TECRL: variants seen among roughly 807,000 people sequenced by gnomAD.
TECRL encodes the protein trans-2,3-enoyl-CoA reductase like, also known as trans-2,3-enoyl-CoA reductase-like.
A neutral mutation model predicts 52.8 loss-of-function variants in TECRL; 63 were observed. That is an observed-to-expected ratio of 1.19 (90% CI 0.97 to 1.47). The LOEUF is 1.47. TECRL is among the 40% of genes most tolerant of loss of function. TECRL has a pLI of 0.00. For synonymous variants in TECRL, 164 were observed against 141.9 expected (o/e 1.16, Z -1.10); for missense variants, 482 against 429.6 (o/e 1.12, Z -1.08).
At chr4:64,388,384 G>GT (rs1723323070) in intron 1 of TECRL, among the ~76,000 whole-genome samples, 2 of 151,674 alleles carry the variant, frequency 1.3e-5, no homozygotes, top group African/African-American at 4.8e-5. Context: ...TGATACATTT[G>GT]TTTTTTCTTT....
Position 64,313,300 on chromosome 4 carries a change from CT to C in TECRL, c.551+1347del, listed in dbSNP as rs200106453. Among the ~76,000 whole-genome samples the C allele has an allele frequency of 5.8e-3, 828 of 142,994 alleles. 1 individual carries two copies. The highest frequency in any genetic ancestry group is 8.7e-3 in the African/African-American group (339 of 39,100). 93.8% of individuals were successfully genotyped at this position (142,994 alleles called of 152,430 possible). ...TTTAATGCATAAAATTTGTTCAGGT[CT>C]TTTTTTTTTTCAACAAATTTCCCTC... On this transcript the variant is annotated intron_variant, in intron 5 of 11. Transcript: ENST00000381210.
Position 64,278,429 on chromosome 4 carries a change from CTT to C in TECRL, c.*1641_*1642del, listed in dbSNP as rs1722655568. ...GATTCAAGTAATTTAAATGTCAAAA[CTT>C]TAAAAAATATTTACTTTAAAAATCA... On this transcript the variant is annotated 3_prime_UTR_variant, in exon 12 of 12. Transcript: ENST00000381210. The C allele has an allele frequency of 4.1e-6, 1 of 245,932 alleles. No homozygotes were observed. Among genetic ancestry groups the C allele is most frequent in the Non-Finnish European group, 6.5e-6 (1 of 154,292 alleles). 15.2% of individuals were successfully genotyped at this position (245,932 alleles called of 1,614,324 possible).
At chr4:64,291,436 C>T (rs1723382878) in intron 8 of TECRL, among the ~76,000 whole-genome samples, 1 of 151,892 alleles carries the variant, frequency 6.6e-6, no homozygotes, top group African/African-American at 2.4e-5. Flanking sequence ...GACAGCTTGT[C>T]ATATTCGTTT....
intron 2 of TECRL, among the ~76,000 whole-genome samples, chr4:64,333,746 C>T (rs193258236): frequency 7.8e-5 from 10 of 127,606 alleles, no homozygotes; most frequent in Admixed American, 6.0e-4. Flanking sequence ...CCTGGCCGGG[C>T]GCGGTGGCTC....
Position 64,409,362 on chromosome 4 carries a change from A to G in TECRL, c.-11T>C. On this transcript the variant is annotated 5_prime_UTR_variant, in exon 1 of 12. Transcript: ENST00000381210. Reference sequence around the variant, plus strand: ...GTGCCTTTTGAACATTGTGTGAACTAAGAGGAGGGTCTGTCATGTCAAAAG... The same window carrying G: ...GTGCCTTTTGAACATTGTGTGAACTGAGAGGAGGGTCTGTCATGTCAAAAG... The G allele has an allele frequency of 1.2e-6, 2 of 1,610,588 alleles. No homozygotes were observed. The highest frequency in any genetic ancestry group is 1.7e-5 in the Admixed American group (1 of 59,832).
chr4:64,323,023 G>A (rs1357256205), intron 3 of TECRL, among the ~76,000 whole-genome samples: 2 of 151,990 alleles, frequency 1.3e-5, no homozygotes, highest in African/African-American at 4.8e-5. Flanking sequence ...CCAAAATTTA[G>A]ACTACCATTA....
intron 2 of TECRL, among the ~76,000 whole-genome samples, chr4:64,342,186 A>C (rs1719625045): frequency 6.6e-6 from 1 of 151,984 alleles, no homozygotes; most frequent in Admixed American, 6.6e-5. Flanking sequence ...TTGTTTCCCC[A>C]CTTCCCTGTT....
intron 2 of TECRL, among the ~76,000 whole-genome samples, chr4:64,338,179 G>T (rs895564822): frequency 1.3e-5 from 2 of 152,034 alleles, no homozygotes; most frequent in Non-Finnish European, 2.9e-5. Flanking sequence ...CAAGAAATAG[G>T]GAAAGGATTC....
intron 1 of TECRL, among the ~76,000 whole-genome samples, chr4:64,390,788 T>C (rs964124777): frequency 1.6e-4 from 25 of 151,844 alleles, no homozygotes; most frequent in African/African-American, 5.8e-4. Flanking sequence ...ATTTCAAAAA[T>C]TTAGAGCACT....
intron 2 of TECRL, among the ~76,000 whole-genome samples, chr4:64,330,979 AACCC>A (rs953895143): frequency 2.7e-4 from 41 of 152,110 alleles, no homozygotes; most frequent in Admixed American, 3.3e-4. Flanking sequence ...AAAAAAGGAA[AACCC>A]AATTATAGGA....
At chr4:64,351,353 G>A (rs6820589) in intron 2 of TECRL, among the ~76,000 whole-genome samples, 35,628 of 151,538 alleles carry the variant, frequency 0.24, 4,466 homozygotes, top group East Asian at 0.31. Context: ...GCATGAGGAT[G>A]GCTCACTTCA....
intron 1 of TECRL, among the ~76,000 whole-genome samples, chr4:64,402,881 C>G (rs1221875872): frequency 6.6e-6 from 1 of 152,078 alleles, no homozygotes; most frequent in African/African-American, 2.4e-5. Flanking sequence ...TTTATAATCC[C>G]CCATCCCAGA....
At chr4:64,384,272 G>A (rs1273577905) in intron 1 of TECRL, among the ~76,000 whole-genome samples, 1 of 152,006 alleles carries the variant, frequency 6.6e-6, no homozygotes, top group Admixed American at 6.6e-5. Flanking sequence ...GGGTACTCAG[G>A]CCTCTTGCTT....
chr4:64,314,929 G>T (rs1717383479), intron 4 of TECRL, among the ~76,000 whole-genome samples, 166 bp from the exon 5 acceptor site: 1 of 152,062 alleles, frequency 6.6e-6, no homozygotes, highest in Non-Finnish European at 1.5e-5. Flanking sequence ...GAACCAGGGG[G>T]AGAAAGCCTA....
chr4:64,354,551 T>C (rs1720629790), intron 2 of TECRL, among the ~76,000 whole-genome samples: 3 of 152,166 alleles, frequency 2.0e-5, no homozygotes, highest in African/African-American at 4.8e-5. Flanking sequence ...CTAAGTGATA[T>C]AGCAGAGAAT....
Position 64,399,186 on chromosome 4 carries a change from G to C in TECRL, c.234+9932C>G, listed in dbSNP as rs73232048. On this transcript the variant is annotated intron_variant, in intron 1 of 11. Coordinates refer to ENST00000381210, the MANE Select transcript of TECRL (RefSeq NM_001010874.5). ...AGACAAACAGAAACTCAGAACCCAC[G>C]AGTGTATTCTCTCCCTGGGACACCT... Among the ~76,000 whole-genome samples, 1,467 of 152,206 alleles carry C rather than the reference G, an allele frequency of 9.6e-3. 32 individuals carry two copies. The highest frequency in any genetic ancestry group is 0.034 in the African/African-American group (1,398 of 41,530).
At chr4:64,281,717 C>A (rs1249585355) in intron 9 of TECRL, among the ~76,000 whole-genome samples, 158 bp from the exon 10 acceptor site, 1 of 151,688 alleles carries the variant, frequency 6.6e-6, no homozygotes, top group Non-Finnish European at 1.5e-5. Context: ...CAGAAGAGAC[C>A]CAGCTTTAAA....
intron 2 of TECRL, among the ~76,000 whole-genome samples, chr4:64,331,691 A>G (rs1718653525): frequency 6.6e-6 from 1 of 152,062 alleles, no homozygotes; most frequent in African/African-American, 2.4e-5. Flanking sequence ...AGATCAAATA[A>G]AATTTATTGA....
At chr4:64,317,114 TA>T (rs1196830912) in intron 4 of TECRL, among the ~76,000 whole-genome samples, 2 of 151,878 alleles carry the variant, frequency 1.3e-5, no homozygotes, top group Non-Finnish European at 2.9e-5. Context: ...CCGTCTCTAC[TA>T]AAAATATAAA....
Sources: allele counts gnomAD v4.1 joint callset (sites outside exome capture counted in the v4.1 genomes callset), GRCh38; gene constraint gnomAD v4.1.1; transcripts MANE v1.5; gene names NCBI Gene and HGNC (gene_info 2026-07-23, HGNC 2026-07-21).